SQOR: variants seen among roughly 807,000 people sequenced by gnomAD.
The protein encoded by SQOR is sulfide:quinone oxidoreductase, mitochondrial.
Under a neutral mutation model 48.6 loss-of-function variants are expected in SQOR, and 39 were observed. The ratio of observed to expected loss-of-function variants is 0.80; its 90% confidence interval spans 0.62 to 1.05. SQOR has a LOEUF of 1.05. SQOR is among the 50% of genes least tolerant of loss of function. The pLI is 0.00. For synonymous variants in SQOR, 220 were observed against 206.2 expected (o/e 1.07, Z -0.57); for missense variants, 561 against 559.9 (o/e 1.00, Z -0.02).
Position 45,658,923 on chromosome 15 carries a change from G to T in SQOR, c.-1G>T. On this transcript the variant is annotated 5_prime_UTR_variant, in exon 2 of 10. Coordinates refer to ENST00000260324, the MANE Select transcript of SQOR (RefSeq NM_021199.4). ...CCCTTCCAGCCTGATCCTGCCTGAA[G>T]ATGGTGCCACTGGTGGCTGTGGTAT... 6.4e-7 allele frequency: 1 copy of T among 1,551,960 alleles called. No individual in the cohort carries two copies. The highest frequency in any genetic ancestry group is 8.7e-7 in the Non-Finnish European group (1 of 1,143,792).
At chr15:45,631,503 T>C (rs1268031391), upstream of SQOR, 3 of 152,200 alleles carry the variant, frequency 2.0e-5, no homozygotes, top group Non-Finnish European at 4.4e-5. Flanking sequence ...GGGTATGAGT[T>C]GTTTCTCTAG....
intron 4 of SQOR, among the ~76,000 whole-genome samples, chr15:45,671,581 TTTGA>T (rs2140955091): frequency 6.6e-6 from 1 of 152,346 alleles, no homozygotes; most frequent in African/African-American, 2.4e-5. Context: ...CTTGGGACTC[TTTGA>T]TTGCAATTTC....
chr15:45,650,323 T>C (rs1000012732), intron 1 of SQOR, among the ~76,000 whole-genome samples: 1 of 151,700 alleles, frequency 6.6e-6, no homozygotes, highest in East Asian at 1.9e-4. Flanking sequence ...TCGTGGGGAG[T>C]GTTACAGTTC....
chr15:45,686,306 C>A (rs887489437), intron 7 of SQOR, among the ~76,000 whole-genome samples: 1 of 152,088 alleles, frequency 6.6e-6, no homozygotes, highest in African/African-American at 2.4e-5. Flanking sequence ...CACCTGCCAC[C>A]ACGCCTGGCT....
At chr15:45,674,899 A>G (rs1362552413) in intron 5 of SQOR, among the ~76,000 whole-genome samples, 6 of 152,148 alleles carry the variant, frequency 3.9e-5, no homozygotes, top group Non-Finnish European at 4.4e-5. Flanking sequence ...ATGGGGACAG[A>G]TGGGAAGAAG....
At chr15:45,636,801 T>C (rs1895014471) in intron 1 of SQOR, among the ~76,000 whole-genome samples, 1 of 152,158 alleles carries the variant, frequency 6.6e-6, no homozygotes, top group Admixed American at 6.6e-5. Flanking sequence ...AAATTTCAGT[T>C]AGATACTAGA....
chr15:45,657,050 C>T (rs984149788), intron 1 of SQOR, among the ~76,000 whole-genome samples: 2 of 152,096 alleles, frequency 1.3e-5, no homozygotes, highest in Non-Finnish European at 2.9e-5. Flanking sequence ...TCAGGTGATC[C>T]ACCTGTCTTG....
chr15:45,640,579 G>A (rs114876408), intron 1 of SQOR, among the ~76,000 whole-genome samples: 6 of 152,262 alleles, frequency 3.9e-5, no homozygotes, highest in African/African-American at 1.4e-4. Context: ...AATAGCAAAT[G>A]TATACCTTGA....
At chr15:45,658,788 A>G (rs973767961) in intron 1 of SQOR, 119 bp from the exon 2 acceptor site, 5 of 761,268 alleles carry the variant, frequency 6.6e-6, no homozygotes, top group Admixed American at 6.7e-5. Flanking sequence ...GTCTTGAGAG[A>G]TGATGGGGAC....
intron 1 of SQOR, among the ~76,000 whole-genome samples, chr15:45,653,725 C>T (rs1192972696): frequency 6.6e-6 from 1 of 152,146 alleles, no homozygotes; most frequent in Non-Finnish European, 1.5e-5. Flanking sequence ...AACTCAGGGA[C>T]TCATTATGAA....
intron 1 of SQOR, among the ~76,000 whole-genome samples, chr15:45,642,045 C>T (rs1044478521): frequency 2.0e-5 from 3 of 152,186 alleles, no homozygotes; most frequent in Non-Finnish European, 4.4e-5. Flanking sequence ...ACTCTTCTTA[C>T]CCATCACTGG....
rs998591522 is a variant in SQOR at position 45,668,484 on chromosome 15, G to A, written c.406-1444G>A. On this transcript the variant is annotated intron_variant, in intron 3 of 9. Coordinates refer to ENST00000260324, the MANE Select transcript of SQOR (RefSeq NM_021199.4). ...AGTGTGCTGGGGAGAACAAGTGCTA[G>A]GAAGCCTCATGCACACTATGCTGGG... Among the ~76,000 whole-genome samples the A allele has an allele frequency of 1.5e-4, 23 of 152,306 alleles. 1 individual carries two copies. Among genetic ancestry groups the A allele is most frequent in the African/African-American group, 5.5e-4 (23 of 41,568 alleles).
At chr15:45,644,423 G>A (rs1261994459) in intron 1 of SQOR, among the ~76,000 whole-genome samples, 1 of 152,196 alleles carries the variant, frequency 6.6e-6, no homozygotes, top group African/African-American at 2.4e-5. Flanking sequence ...GATATGTGAG[G>A]AGAAGAAGCC....
intron 7 of SQOR, among the ~76,000 whole-genome samples, chr15:45,686,259 C>G (rs547084104): frequency 2.6e-5 from 4 of 152,162 alleles, no homozygotes; most frequent in African/African-American, 9.6e-5. Context: ...TCAAGCAATT[C>G]TCTTGTCTTA....
rs939202941 is a variant in SQOR, at chr15:45,671,806, G to T, written c.460-1801G>T. Among the ~76,000 whole-genome samples, 8 of 152,218 alleles carry T rather than the reference G, an allele frequency of 5.3e-5. 1 individual carries two copies. In the South Asian group the frequency reaches 1.0e-3, roughly 20 times the overall value. ...CTTCACAGGGTCTCTGCAGCAGGCC[G>T]TCCTGCCTGCCGGTCTACTCTGTGT... On this transcript the variant is annotated intron_variant, in intron 4 of 9. Coordinates refer to ENST00000260324, the MANE Select transcript of SQOR (RefSeq NM_021199.4).
chr15:45,676,844 C>T (rs1476127747), intron 6 of SQOR, among the ~76,000 whole-genome samples: 1 of 152,076 alleles, frequency 6.6e-6, no homozygotes, highest in Non-Finnish European at 1.5e-5. Flanking sequence ...AGTTCGAGAC[C>T]AGGCTGGCCA....
chr15:45,686,016 A>C (rs1890218155), intron 7 of SQOR, among the ~76,000 whole-genome samples: 1 of 136,498 alleles, frequency 7.3e-6, no homozygotes, highest in Admixed American at 8.4e-5. Context: ...TACCCAGCTA[A>C]TTTTTAAGTT....
At chr15:45,690,760 C>T (rs1184400708) in intron 9 of SQOR, among the ~76,000 whole-genome samples, 3 of 152,206 alleles carry the variant, frequency 2.0e-5, no homozygotes, top group African/African-American at 7.2e-5. Context: ...TTAGCACATC[C>T]AGGCTCACAC....
At chr15:45,688,831 A>C (rs1054668441) in intron 8 of SQOR, among the ~76,000 whole-genome samples, 1 of 151,956 alleles carries the variant, frequency 6.6e-6, no homozygotes, top group Non-Finnish European at 1.5e-5. Flanking sequence ...CACTTTTTTA[A>C]TTAGTGTCTC....
Sources: gnomAD v4.1 joint callset for allele counts (sites outside exome capture counted in the v4.1 genomes callset) on GRCh38, gnomAD v4.1.1 for gene constraint, MANE v1.5 for transcripts, NCBI Gene and HGNC (gene_info 2026-07-23, HGNC 2026-07-21) for gene names.